HECW2: variants seen among roughly 807,000 people sequenced by gnomAD.
HECW2 encodes the protein HECT, C2 and WW domain containing E3 ubiquitin protein ligase 2.
Under a neutral mutation model 175.2 loss-of-function variants are expected in HECW2, and 61 were observed. That is an observed-to-expected ratio of 0.35 (90% CI 0.28 to 0.43). The LOEUF is 0.43. HECW2 is among the 20% of genes least tolerant of loss of function. The pLI is 1.00. For missense variants in HECW2, 1,524 were observed against 2,000.5 expected (o/e 0.76, Z 4.54); for synonymous variants, 671 against 731.0 (o/e 0.92, Z 1.32).
rs527505336 is a variant in HECW2, at chr2:196,320,344, T to C, written c.980A>G (p.His327Arg). ...CAGATATATTTATATCTCACCTTCA[T>C]GAACAGAAGACGTAACCTCCACTTT... ...QFKVEVTSSV[H>R]EDASPEAVGT... The change falls in exon 8 of 29, where the codon CAT (histidine) becomes CGT (arginine). Residue 327 changes from histidine to arginine, a missense_variant. Physicochemically the swap from His to Arg is conservative, Grantham distance 29. Transcript: ENST00000644978. 7 of 1,596,648 alleles carry C rather than the reference T, an allele frequency of 4.4e-6. No individual in the cohort carries two copies. Among genetic ancestry groups the C allele is most frequent in the East Asian group, 2.2e-5 (1 of 44,684 alleles).
At position 196,201,354 on chromosome 2, in the gene HECW2, G is replaced by A. The variant is rs145760297; in HGVS notation, c.4642C>T (p.Pro1548Ser). 2.2e-5 allele frequency: 35 copies of A among 1,613,562 alleles called. No homozygotes were observed. The highest frequency in any genetic ancestry group is 8.3e-5 in the Admixed American group (5 of 59,984). The change falls in exon 29 of 29, where the codon CCC becomes TCC. Residue 1548 changes from proline to serine, a missense_variant. Coordinates refer to ENST00000644978, the MANE Select transcript of HECW2 (RefSeq NM_001348768.2). ...TAAAGCATGGAAAAGGATGGGTAGG[G>A]AGGCAGATCCAGACGGTTAAAACAT... ...HTCFNRLDLP[P>S]YPSFSMLYEK... is the part of the protein sequence containing the mutation.
chr2:196,558,969 A>C (rs891853338), intron 1 of HECW2, among the ~76,000 whole-genome samples: 1 of 152,208 alleles, frequency 6.6e-6, no homozygotes, highest in African/African-American at 2.4e-5. Context: ...GCCAGGCACT[A>C]TATTAGGCTC....
chr2:196,442,136 G>T (rs763695758), intron 1 of HECW2, among the ~76,000 whole-genome samples: 7 of 151,766 alleles, frequency 4.6e-5, no homozygotes, highest in Non-Finnish European at 1.0e-4. Flanking sequence ...AGATTAAAAA[G>T]AGAAAATCAT....
At chr2:196,577,047 G>A (rs1042116876) in intron 1 of HECW2, among the ~76,000 whole-genome samples, 5 of 152,096 alleles carry the variant, frequency 3.3e-5, no homozygotes, top group Non-Finnish European at 2.9e-5. Flanking sequence ...TGCAAATAAC[G>A]GATTTTGTCA....
At chr2:196,334,295 CAG>C (rs1283885248) in intron 4 of HECW2, 127 bp downstream of exon 4, 2 of 648,476 alleles carry the variant, frequency 3.1e-6, no homozygotes, top group Non-Finnish European at 5.4e-6. Flanking sequence ...TTTCCTATAA[CAG>C]TGCCCACACT....
chr2:196,532,354 T>C (rs988194448), intron 1 of HECW2, among the ~76,000 whole-genome samples: 1 of 152,116 alleles, frequency 6.6e-6, no homozygotes, highest in Non-Finnish European at 1.5e-5. Context: ...TGGAAACCAT[T>C]ATTCTCAGCA....
chr2:196,239,589 T>C (rs982238536), intron 21 of HECW2: 7 of 152,214 alleles, frequency 4.6e-5, no homozygotes, highest in Non-Finnish European at 1.0e-4. Flanking sequence ...AGGGATAGCC[T>C]TAAAATGATC....
At chr2:196,556,952 C>A (rs752709991) in intron 1 of HECW2, among the ~76,000 whole-genome samples, 1 of 152,184 alleles carries the variant, frequency 6.6e-6, no homozygotes, top group Non-Finnish European at 1.5e-5. Flanking sequence ...CTATAAATAA[C>A]TAACTCCCAC....
chr2:196,361,477 A>C (rs3915298), intron 2 of HECW2, among the ~76,000 whole-genome samples: 1,603 of 152,276 alleles, frequency 0.011, 8 homozygotes, highest in Non-Finnish European at 0.018. Context: ...ACTCAACCTA[A>C]GGCAATTTTC....
chr2:196,233,728 G>A (rs2105857453), intron 21 of HECW2, among the ~76,000 whole-genome samples: 1 of 152,240 alleles, frequency 6.6e-6, no homozygotes, highest in East Asian at 1.9e-4. Flanking sequence ...GGTAATTTAG[G>A]TTATCCTGTG....
At chr2:196,494,170 TTC>T (rs1379030671) in intron 1 of HECW2, among the ~76,000 whole-genome samples, 2 of 152,180 alleles carry the variant, frequency 1.3e-5, no homozygotes, top group Non-Finnish European at 2.9e-5. Flanking sequence ...AGGAAAATGT[TTC>T]TGTGATGCCA....
At chr2:196,282,926 T>G (rs972596414) in intron 14 of HECW2, among the ~76,000 whole-genome samples, 1 of 152,006 alleles carries the variant, frequency 6.6e-6, no homozygotes, top group African/African-American at 2.4e-5. Context: ...GGTTTAGAAT[T>G]TTATTTTTGG....
intron 15 of HECW2, 148 bp from the exon 16 acceptor site, chr2:196,274,271 G>T (rs1189902659): frequency 1.6e-6 from 1 of 614,412 alleles, no homozygotes; most frequent in South Asian, 2.0e-5. Flanking sequence ...GCTGAAGCAG[G>T]GTTCTTAGTT....
intron 2 of HECW2, among the ~76,000 whole-genome samples, chr2:196,360,543 C>T (rs1040795426): frequency 2.0e-5 from 3 of 151,816 alleles, no homozygotes; most frequent in East Asian, 3.9e-4. Flanking sequence ...GGAGCCTACT[C>T]GAGGGTGAAG....
At chr2:196,366,388 G>A (rs930613300) in intron 2 of HECW2, among the ~76,000 whole-genome samples, 1 of 152,080 alleles carries the variant, frequency 6.6e-6, no homozygotes, top group Non-Finnish European at 1.5e-5. Flanking sequence ...AATACCTCTA[G>A]GAATGTCCAT....
At chr2:196,205,518 C>G (rs1425508536) in intron 28 of HECW2, among the ~76,000 whole-genome samples, 1 of 152,056 alleles carries the variant, frequency 6.6e-6, no homozygotes, top group Non-Finnish European at 1.5e-5. Flanking sequence ...TATGCAGTAG[C>G]TCTGGGGAAA....
chr2:196,410,527 T>G (rs902518905), intron 2 of HECW2, among the ~76,000 whole-genome samples: 15 of 152,166 alleles, frequency 9.9e-5, no homozygotes, highest in African/African-American at 3.6e-4. Flanking sequence ...GGTCAGTCTG[T>G]TATGTCCGAT....
chr2:196,507,155 A>ATACACAATGTGTATAT (rs1687787444), intron 1 of HECW2, among the ~76,000 whole-genome samples: 1 of 137,914 alleles, frequency 7.3e-6, no homozygotes, highest in South Asian at 2.4e-4. Flanking sequence ...TGTGTATATT[A>ATACACAATGTGTATAT]TACACACACT....
At chr2:196,449,773 T>C (rs1696289777) in intron 1 of HECW2, among the ~76,000 whole-genome samples, 1 of 152,210 alleles carries the variant, frequency 6.6e-6, no homozygotes, top group South Asian at 2.1e-4. Flanking sequence ...TTTTAACTGG[T>C]TGTAATTAGG....
Sources: allele counts gnomAD v4.1 joint callset (sites outside exome capture counted in the v4.1 genomes callset), GRCh38; gene constraint gnomAD v4.1.1; transcripts MANE v1.5; gene names NCBI Gene and HGNC (gene_info 2026-07-23, HGNC 2026-07-21).